Variants in PPARGC1A observed in about 807,000 individuals in gnomAD.
PPARGC1A encodes the protein peroxisome proliferator-activated receptor gamma coactivator 1-alpha.
In PPARGC1A, 25 loss-of-function variants were observed where a neutral mutation model predicts 88.7. The observed-to-expected ratio is 0.28, with a 90% CI of 0.21 to 0.39. The LOEUF is 0.39. Ranked by LOEUF, PPARGC1A falls within the 10% of genes least tolerant of loss-of-function variation. PPARGC1A has a pLI of 1.00. For missense variants in PPARGC1A, 880 were observed against 968.7 expected, an observed-to-expected ratio of 0.91 and a Z score of 1.22; for synonymous variants, 363 against 355.6, an observed-to-expected ratio of 1.02 and a Z score of -0.24.
the PPARGC1A span, among the ~76,000 whole-genome samples, chr4:24,260,421 G>A: frequency 6.6e-6 from 1 of 152,182 alleles, no homozygotes; most frequent in Non-Finnish European, 1.5e-5. Context: ...TTGTTTACTT[G>A]CACATTAATA....
At chr4:24,129,271 T>C in the PPARGC1A span, among the ~76,000 whole-genome samples, 1 of 152,178 alleles carries the variant, frequency 6.6e-6, no homozygotes, top group Non-Finnish European at 1.5e-5. Context: ...ACATAGGTTA[T>C]GAGACTTGCC....
chr4:24,231,071 A>G, the PPARGC1A span, among the ~76,000 whole-genome samples: 5 of 152,142 alleles, frequency 3.3e-5, no homozygotes, highest in Admixed American at 3.3e-4. Context: ...AACAGAGAAA[A>G]ATCGAGAATG....
chr4:24,032,210 C>A, the PPARGC1A span, among the ~76,000 whole-genome samples: 1 of 152,166 alleles, frequency 6.6e-6, no homozygotes, highest in African/African-American at 2.4e-5. Context: ...TTTCTCATAA[C>A]CTTTTGACAT....
the PPARGC1A span, among the ~76,000 whole-genome samples, chr4:24,045,101 AT>A: frequency 6.6e-6 from 1 of 152,188 alleles, no homozygotes; most frequent in Non-Finnish European, 1.5e-5. Context: ...AGAAGAGATC[AT>A]TCTAGCTCCA....
At chr4:24,446,517 C>T in the PPARGC1A span, among the ~76,000 whole-genome samples, 1 of 151,308 alleles carries the variant, frequency 6.6e-6, no homozygotes, top group African/African-American at 2.4e-5. Context: ...AGCGAAGTAA[C>T]AGTACAGAGG....
chr4:24,184,360 T>C, the PPARGC1A span, among the ~76,000 whole-genome samples: 1 of 152,304 alleles, frequency 6.6e-6, no homozygotes, highest in East Asian at 1.9e-4. Flanking sequence ...CTAATTTTCT[T>C]TCCCGCCTCC....
intron 2 of PPARGC1A, among the ~76,000 whole-genome samples, chr4:23,846,155 T>C (rs1471819433): frequency 6.6e-6 from 1 of 152,128 alleles, no homozygotes; most frequent in Non-Finnish European, 1.5e-5. Context: ...AAATGTAAGA[T>C]TTACAGAACG....
At chr4:23,931,543 GT>G in the PPARGC1A span, among the ~76,000 whole-genome samples, 1 of 151,990 alleles carries the variant, frequency 6.6e-6, no homozygotes, top group Non-Finnish European at 1.5e-5. Context: ...AGAAAGGAAG[GT>G]GACCCATTCA....
At chr4:24,470,352 G>T in the PPARGC1A span, among the ~76,000 whole-genome samples, 2 of 143,878 alleles carry the variant, frequency 1.4e-5, no homozygotes, top group Non-Finnish European at 3.1e-5. This position sits in a 1 kb window ranked among gnomAD's most constrained non-coding sequence, Gnocchi z 5.8. Flanking sequence ...GCACGCGGAC[G>T]CCCGCTCCTG....
the PPARGC1A span, among the ~76,000 whole-genome samples, chr4:24,038,544 G>T: frequency 6.6e-6 from 1 of 152,058 alleles, no homozygotes; most frequent in African/African-American, 2.4e-5. Context: ...CTGCAAATTC[G>T]AATTCTCTCT....
intron 2 of PPARGC1A, among the ~76,000 whole-genome samples, chr4:23,879,258 G>A (rs1006871745): frequency 1.3e-5 from 2 of 152,132 alleles, no homozygotes; most frequent in Non-Finnish European, 2.9e-5. Context: ...AAGTCTGTCT[G>A]ACCACAGGCA....
At chr4:24,192,071 C>T in the PPARGC1A span, among the ~76,000 whole-genome samples, 1 of 152,190 alleles carries the variant, frequency 6.6e-6, no homozygotes, top group Non-Finnish European at 1.5e-5. Flanking sequence ...ATCCATGGCT[C>T]CACTAGCATT....
the PPARGC1A span, among the ~76,000 whole-genome samples, chr4:24,252,381 T>G: frequency 6.6e-6 from 1 of 152,178 alleles, no homozygotes; most frequent in African/African-American, 2.4e-5. Context: ...TGCTTGCTAC[T>G]CCCAGATAGC....
At chr4:24,151,187 G>T in the PPARGC1A span, among the ~76,000 whole-genome samples, 1 of 152,184 alleles carries the variant, frequency 6.6e-6, no homozygotes, top group Non-Finnish European at 1.5e-5. Flanking sequence ...GACAAAAACT[G>T]GGTACCTAGT....
the PPARGC1A span, among the ~76,000 whole-genome samples, chr4:24,391,722 C>T: frequency 6.6e-6 from 1 of 152,150 alleles, no homozygotes; most frequent in African/African-American, 2.4e-5. Context: ...GAATACAGAT[C>T]GAGGCAGAAA....
the PPARGC1A span, among the ~76,000 whole-genome samples, chr4:24,216,169 A>G: frequency 6.7e-5 from 8 of 119,726 alleles, no homozygotes; most frequent in African/African-American, 2.5e-4. Flanking sequence ...TTTTTTTGAG[A>G]CAGAGTCTCT....
the PPARGC1A span, among the ~76,000 whole-genome samples, chr4:23,989,061 A>G: frequency 1.3e-5 from 2 of 151,198 alleles, no homozygotes; most frequent in Non-Finnish European, 3.0e-5. Context: ...TTACATTTGG[A>G]CATTTCCAGA....
chr4:24,376,759 C>T, the PPARGC1A span, among the ~76,000 whole-genome samples: 19 of 152,266 alleles, frequency 1.2e-4, no homozygotes, highest in African/African-American at 4.3e-4. Flanking sequence ...CATACCTACA[C>T]GATGAACTTA....
At chr4:23,798,153 C>T (rs547075493) in intron 12 of PPARGC1A, among the ~76,000 whole-genome samples, 1 of 152,122 alleles carries the variant, frequency 6.6e-6, no homozygotes, top group Non-Finnish European at 1.5e-5. Flanking sequence ...CTCTGACTCT[C>T]TTTTCAGACT....
Sources: gnomAD v4.1 joint callset for allele counts (sites outside exome capture counted in the v4.1 genomes callset) on GRCh38, gnomAD v4.1.1 for gene constraint, Gnocchi (gnomAD v3.1) non-coding constraint, MANE v1.5 for transcripts, NCBI Gene and HGNC (gene_info 2026-07-23, HGNC 2026-07-21) for gene names.